The following GPC6 variants were observed in gnomAD, a reference collection of about 807,000 sequenced individuals.
GPC6 encodes the protein glypican-6.
A neutral mutation model predicts 55.2 loss-of-function variants in GPC6; 14 were observed. The ratio of observed to expected loss-of-function variants is 0.25; its 90% CI spans 0.17 to 0.40. The LOEUF is 0.40. Among genes scored for constraint, GPC6 ranks in the 10% least tolerant of loss-of-function variants. The pLI is 1.00. For synonymous variants in GPC6, 278 were observed against 259.6 expected (o/e 1.07, Z -0.68); for missense variants, 641 against 708.5 (o/e 0.90, Z 1.08).
chr13:93,453,102 T>C (rs747244423), intron 1 of GPC6, among the ~76,000 whole-genome samples: 2 of 152,228 alleles, frequency 1.3e-5, no homozygotes, highest in Non-Finnish European at 2.9e-5. Context: ...TTCAAAACAT[T>C]TGAGGATTAT....
At chr13:94,340,004 C>T (rs567401283) in intron 6 of GPC6, among the ~76,000 whole-genome samples, 7 of 151,902 alleles carry the variant, frequency 4.6e-5, no homozygotes, top group East Asian at 3.9e-4. Flanking sequence ...CTCAGGTGAT[C>T]CACCCGCCTC....
At chr13:93,979,982 A>G (rs561359143) in intron 3 of GPC6, among the ~76,000 whole-genome samples, 6 of 152,294 alleles carry the variant, frequency 3.9e-5, no homozygotes, top group Non-Finnish European at 7.4e-5. Flanking sequence ...TGACATACTC[A>G]GCTACTTACA....
intron 4 of GPC6, among the ~76,000 whole-genome samples, chr13:94,085,876 G>A (rs901574278): frequency 6.6e-6 from 1 of 151,998 alleles, no homozygotes; most frequent in South Asian, 2.1e-4. Flanking sequence ...TATACACTGA[G>A]TTTTCATTAG....
intron 2 of GPC6, among the ~76,000 whole-genome samples, chr13:93,773,204 A>G (rs1367329483): frequency 6.6e-6 from 1 of 152,202 alleles, no homozygotes; most frequent in Admixed American, 6.6e-5. Flanking sequence ...AGAATTAGTA[A>G]AAGTCATGAA....
At chr13:93,645,624 C>T (rs1880138851) in intron 2 of GPC6, among the ~76,000 whole-genome samples, 1 of 152,062 alleles carries the variant, frequency 6.6e-6, no homozygotes, top group African/African-American at 2.4e-5. Flanking sequence ...TTTTGAAGTC[C>T]TCACGTTTTG....
intron 4 of GPC6, among the ~76,000 whole-genome samples, chr13:94,180,860 G>C (rs1158836095): frequency 6.7e-6 from 1 of 150,288 alleles, no homozygotes; most frequent in Non-Finnish European, 1.5e-5. Context: ...GCATACGTGT[G>C]TATAAGAGAG....
In GPC6 at chr13:94,352,059, C is replaced by G. The variant is rs186718446; in HGVS notation, c.1153-30355C>G. On this transcript the variant is annotated intron_variant, in intron 6 of 8. Transcript: ENST00000377047. ...TCCTGGAAATGCTTTTTCACATGTT[C>G]TACCCACTCCTCTCTCTGTCTGTGT... 4.4e-4 allele frequency among the ~76,000 whole-genome samples: 66 copies of G among 151,660 alleles called. 1 individual carries two copies. The highest frequency in any genetic ancestry group is 1.6e-3 in the African/African-American group (66 of 41,304).
chr13:94,099,256 T>C (rs923606479), intron 4 of GPC6, among the ~76,000 whole-genome samples: 10 of 152,184 alleles, frequency 6.6e-5, no homozygotes, highest in Non-Finnish European at 1.5e-4. Context: ...GTTTAGGGAT[T>C]AAAAATAATA....
At chr13:93,474,320 G>T (rs1355910946) in intron 1 of GPC6, among the ~76,000 whole-genome samples, 1 of 152,118 alleles carries the variant, frequency 6.6e-6, no homozygotes. Flanking sequence ...GGTTTTTAGT[G>T]TGCTGAATAG....
At chr13:94,148,115 A>T (rs1887623131) in intron 4 of GPC6, among the ~76,000 whole-genome samples, 1 of 152,190 alleles carries the variant, frequency 6.6e-6, no homozygotes, top group Admixed American at 6.5e-5. Flanking sequence ...AGTGGTCCTT[A>T]CCCATGTGTC....
intron 4 of GPC6, among the ~76,000 whole-genome samples, chr13:94,281,254 A>G (rs774510124): frequency 2.6e-5 from 4 of 152,158 alleles, no homozygotes; most frequent in African/African-American, 4.8e-5. Context: ...GTAGGTATAC[A>G]TGTGCCATGG....
At chr13:94,224,041 G>A (rs1441046946) in intron 4 of GPC6, among the ~76,000 whole-genome samples, 1 of 151,952 alleles carries the variant, frequency 6.6e-6, no homozygotes, top group East Asian at 1.9e-4. Context: ...TGTTTTTGTG[G>A]TAATGGCACT....
At chr13:93,779,790 A>G (rs1025798832) in intron 2 of GPC6, among the ~76,000 whole-genome samples, 1 of 152,102 alleles carries the variant, frequency 6.6e-6, no homozygotes, top group Non-Finnish European at 1.5e-5. Flanking sequence ...CATGTACCTT[A>G]GAGCTTAATG....
intron 2 of GPC6, among the ~76,000 whole-genome samples, chr13:93,728,415 A>AT (rs1454834361): frequency 2.0e-5 from 3 of 150,022 alleles, no homozygotes; most frequent in Non-Finnish European, 4.4e-5. Context: ...ATATATTTTT[A>AT]TTTTTTGTAG....
chr13:93,809,022 A>G (rs1472031952), intron 2 of GPC6, among the ~76,000 whole-genome samples: 1 of 152,224 alleles, frequency 6.6e-6, no homozygotes, highest in Non-Finnish European at 1.5e-5. Context: ...TAGGAGAAAG[A>G]ATAGGAGAGA....
chr13:93,996,288 A>G (rs1308920154), intron 3 of GPC6, among the ~76,000 whole-genome samples: 5 of 152,224 alleles, frequency 3.3e-5, no homozygotes, highest in Admixed American at 6.5e-5. Context: ...TGAATTATGA[A>G]TACAGGCCCC....
At chr13:93,546,673 T>TC in intron 2 of GPC6, among the ~76,000 whole-genome samples, 1 of 152,332 alleles carries the variant, frequency 6.6e-6, no homozygotes, top group African/African-American at 2.4e-5. Flanking sequence ...TAGGGGTTAC[T>TC]CTTGATTATA....
chr13:93,812,515 T>G (rs1289624745), intron 2 of GPC6, among the ~76,000 whole-genome samples: 1 of 152,222 alleles, frequency 6.6e-6, no homozygotes, highest in Non-Finnish European at 1.5e-5. Flanking sequence ...TCCCTTAAAT[T>G]ATTTTTCTAA....
At chr13:93,951,790 A>AT (rs774194204) in intron 3 of GPC6, among the ~76,000 whole-genome samples, 2 of 151,998 alleles carry the variant, frequency 1.3e-5, no homozygotes, top group African/African-American at 2.4e-5. Flanking sequence ...AAAATCTTGA[A>AT]TTTTTTTTAT....
Sources: allele counts gnomAD v4.1 joint callset (sites outside exome capture counted in the v4.1 genomes callset), GRCh38; gene constraint gnomAD v4.1.1; transcripts MANE v1.5; gene names NCBI Gene and HGNC (gene_info 2026-07-23, HGNC 2026-07-21).